The following EFTUD2 variants were observed in gnomAD, a reference collection of about 807,000 sequenced individuals.
EFTUD2 encodes the protein elongation factor Tu GTP binding domain containing 2, also known as 116 kDa U5 small nuclear ribonucleoprotein component.
A neutral mutation model predicts 114.3 loss-of-function variants in EFTUD2; 9 were observed. The ratio of observed to expected loss-of-function variants is 0.08; its 90% CI spans 0.05 to 0.14. EFTUD2 has a LOEUF of 0.14. Among genes scored for constraint, EFTUD2 ranks in the 10% least tolerant of loss-of-function variants. The pLI is 1.00. For missense variants in EFTUD2, 765 were observed against 1,241.2 expected (o/e 0.62, Z 5.76); for synonymous variants, 449 against 462.3 (o/e 0.97, Z 0.37).
chr17:44,856,755 T>C (rs1211041014), intron 20 of EFTUD2, among the ~76,000 whole-genome samples: 2 of 125,770 alleles, frequency 1.6e-5, no homozygotes, highest in South Asian at 2.6e-4. Flanking sequence ...CTCCAGCCTG[T>C]GTCAAAAAAA....
chr17:44,851,425 G>C, intron 27 of EFTUD2, 56 bp from the exon 28 acceptor site: 2 of 1,430,138 alleles, frequency 1.4e-6, no homozygotes, highest in Non-Finnish European at 2.0e-6. Context: ...ACTAAGCAAG[G>C]AGACTATCCA....
Position 44,871,737 on chromosome 17 carries a change from G to A in EFTUD2, c.994+709C>T, listed in dbSNP as rs551148730. Among the ~76,000 whole-genome samples, 19 of 152,264 alleles carry A rather than the reference G, an allele frequency of 1.2e-4. No homozygotes were observed. In the East Asian group the frequency reaches 2.3e-3, roughly 19 times the overall value. Reference sequence around the variant, plus strand: ...ACAACTGACTGGCAAGAATAGAAACGCTGATGCTCCACCGCCTACTGGTCA... The same window carrying A: ...ACAACTGACTGGCAAGAATAGAAACACTGATGCTCCACCGCCTACTGGTCA... On this transcript the variant is annotated intron_variant, in intron 11 of 27. Transcript: ENST00000426333.
rs770866863 is a variant in EFTUD2 at position 44,854,915 on chromosome 17, C to T, written c.2132+3G>A. The T allele has an allele frequency of 1.9e-6, 3 of 1,614,098 alleles. No homozygotes were observed. Among genetic ancestry groups the T allele is most frequent in the East Asian group, 2.2e-5 (1 of 44,886 alleles). ...GACCCTGGCGTCAGAGCCCTGTTCT[C>T]ACCTGTTCCACGTAATCTGGACCAC... On this transcript the variant is annotated splice_donor_region_variant and intron_variant, in intron 21 of 27. Transcript: ENST00000426333. The surrounding 1 kb of genome is among the most constrained non-coding windows in gnomAD (Gnocchi z 4.3).
intron 10 of EFTUD2, among the ~76,000 whole-genome samples, chr17:44,875,089 G>C (rs1021668116): frequency 2.0e-5 from 3 of 152,118 alleles, no homozygotes; most frequent in Non-Finnish European, 4.4e-5. Flanking sequence ...GCCCAGGCTG[G>C]GTGCAGCGGC....
In EFTUD2 at chr17:44,854,180, G is replaced by A. The variant is rs556211679; in HGVS notation, c.2347+89C>T. On this transcript the variant is annotated intron_variant, in intron 23 of 27. Transcript: ENST00000426333. This position sits in a 1 kb window ranked among gnomAD's most constrained non-coding sequence, Gnocchi z 4.3. Reference sequence around the variant, plus strand: ...TGTACCCCAAGCTGCTTCTCCTGCCGAATCCTAAAGATGGTGAGCCCATCC... The same window carrying A: ...TGTACCCCAAGCTGCTTCTCCTGCCAAATCCTAAAGATGGTGAGCCCATCC... 53 of 1,453,536 alleles carry A rather than the reference G, an allele frequency of 3.6e-5. No homozygotes were observed. The highest frequency in any genetic ancestry group is 1.9e-4 in the South Asian group (14 of 73,950). The allele number at this position is 1,453,536 out of a possible 1,614,324, so 90.0% of individuals were successfully genotyped here.
At chr17:44,858,360 G>A (rs575884564) in intron 19 of EFTUD2, among the ~76,000 whole-genome samples, 11 of 151,478 alleles carry the variant, frequency 7.3e-5, no homozygotes, top group Admixed American at 1.3e-4. Context: ...TTCAGCCTGC[G>A]GAGTAGCTGG....
chr17:44,867,710 T>C, intron 13 of EFTUD2, 97 bp downstream of exon 13: 2 of 1,082,122 alleles, frequency 1.8e-6, no homozygotes, highest in East Asian at 2.9e-5. Flanking sequence ...GACATAAAAC[T>C]GAGCAGGTTT....
intron 10 of EFTUD2, among the ~76,000 whole-genome samples, chr17:44,874,035 CT>C (rs35563732): frequency 0.029 from 3,307 of 115,464 alleles, 54 homozygotes; most frequent in Non-Finnish European, 0.041. Flanking sequence ...TGCCCGGCCT[CT>C]TTTTTTTTTT....
intron 2 of EFTUD2, chr17:44,891,741 A>G (rs889396679): frequency 2.0e-5 from 3 of 152,150 alleles, no homozygotes; most frequent in African/African-American, 7.2e-5. Context: ...TAAGTGCATA[A>G]TAGTTTTTAG....
chr17:44,889,259 G>C (rs1460143828), intron 2 of EFTUD2, among the ~76,000 whole-genome samples: 1 of 152,210 alleles, frequency 6.6e-6, no homozygotes, highest in Non-Finnish European at 1.5e-5. Flanking sequence ...GCAGTCTGTG[G>C]AATGCGAGAG....
chr17:44,867,297 A>ATTTTT (rs3058538), intron 13 of EFTUD2, among the ~76,000 whole-genome samples: 4 of 121,316 alleles, frequency 3.3e-5, no homozygotes, highest in African/African-American at 3.2e-5. Context: ...CTTTCCTTTG[A>ATTTTT]TTTTTTTTTT....
intron 12 of EFTUD2, 129 bp downstream of exon 12, chr17:44,868,158 G>C: frequency 2.2e-6 from 2 of 908,548 alleles, no homozygotes; most frequent in Non-Finnish European, 1.6e-6. Context: ...GGGGAGGAAA[G>C]ACGGTAGTTT....
rs1423616699 is a variant in EFTUD2, at chr17:44,889,948, C to T, written c.106-3198G>A. On this transcript the variant is annotated intron_variant, in intron 2 of 27. Coordinates refer to ENST00000426333, the MANE Select transcript of EFTUD2 (RefSeq NM_004247.4). ...TCTATCCGAGTCTACAGTAGCTCAA[C>T]AAGTCTAAACAAATAAAACTAAACA... 3.9e-5 allele frequency among the ~76,000 whole-genome samples: 6 copies of T among 152,212 alleles called. No individual in the cohort carries two copies. In the East Asian group the frequency reaches 1.2e-3, roughly 29 times the overall value.
chr17:44,885,629 T>A (rs2051156779), intron 3 of EFTUD2, among the ~76,000 whole-genome samples: 2 of 152,154 alleles, frequency 1.3e-5, no homozygotes, highest in African/African-American at 4.8e-5. Context: ...TTTCCTTGCA[T>A]TTATAAGATG....
At chr17:44,890,116 T>C (rs2051252016) in intron 2 of EFTUD2, among the ~76,000 whole-genome samples, 1 of 152,122 alleles carries the variant, frequency 6.6e-6, no homozygotes. Context: ...CAAGAGATTC[T>C]CCTGCCTTAG....
At chr17:44,883,013 A>T in intron 6 of EFTUD2, 80 bp downstream of exon 6, 3 of 1,384,416 alleles carry the variant, frequency 2.2e-6, no homozygotes, top group Non-Finnish European at 3.0e-6. Context: ...GAGAACAGGA[A>T]GGGTGAAGGA....
At chr17:44,856,041 G>A (rs570057703) in intron 20 of EFTUD2, among the ~76,000 whole-genome samples, 6 of 150,516 alleles carry the variant, frequency 4.0e-5, no homozygotes, top group Non-Finnish European at 8.9e-5. Context: ...TAAGGTAGGA[G>A]GATCGCTTGA....
At chr17:44,855,346 A>C (rs1285611370) in intron 20 of EFTUD2, among the ~76,000 whole-genome samples, 1 of 152,148 alleles carries the variant, frequency 6.6e-6, no homozygotes, top group East Asian at 1.9e-4. Flanking sequence ...GCGGATCACA[A>C]GGTCAGAAGA....
intron 5 of EFTUD2, 21 bp from the exon 6 acceptor site, chr17:44,883,179 A>G: frequency 1.2e-6 from 2 of 1,613,618 alleles, no homozygotes; most frequent in South Asian, 2.2e-5. Context: ...AGAAACAGTT[A>G]ACATCTGCCG....
Sources: allele counts gnomAD v4.1 joint callset (sites outside exome capture counted in the v4.1 genomes callset), GRCh38; gene constraint gnomAD v4.1.1; non-coding constraint Gnocchi (gnomAD v3.1); transcripts MANE v1.5; gene names NCBI Gene and HGNC (gene_info 2026-07-23, HGNC 2026-07-21).